Variants in NOTCH3 observed in about 807,000 individuals in gnomAD.
The protein encoded by NOTCH3 is notch receptor 3.
NOTCH3 carries 86 observed loss-of-function variants against 213.3 expected under a neutral mutation model. The observed-to-expected ratio is 0.40, with a 90% confidence interval of 0.34 to 0.48. The LOEUF is 0.48. Ranked by LOEUF, NOTCH3 falls within the 20% of genes least tolerant of loss-of-function variation. The pLI is 0.57. For missense variants in NOTCH3, 2,783 were observed against 3,272.6 expected (o/e 0.85, Z 3.65); for synonymous variants, 1,354 against 1,355.9 (o/e 1.00, Z 0.03).
intron 24 of NOTCH3, among the ~76,000 whole-genome samples, chr19:15,175,298 C>T (rs1173772046): frequency 7.3e-6 from 1 of 136,636 alleles, no homozygotes; most frequent in Admixed American, 7.0e-5. Flanking sequence ...TTTGGGAGGC[C>T]AAGGTGTACG....
In NOTCH3 at chr19:15,184,511, C is replaced by T. The variant is rs2046865748; in HGVS notation, c.2411-61G>A. The T allele has an allele frequency of 2.6e-6, 4 of 1,552,958 alleles. No individual in the cohort carries two copies. In the Admixed American group the frequency reaches 5.1e-5, roughly 20 times the overall value. On this transcript the variant is annotated intron_variant, in intron 15 of 32. Coordinates refer to ENST00000263388, the MANE Select transcript of NOTCH3 (RefSeq NM_000435.3). Reference sequence around the variant, plus strand: ...AGGGTACAGAGCAGGGTCTCAGGGACCTGGGGCTCAGGAAGAACCTGCAGG... The same window carrying T: ...AGGGTACAGAGCAGGGTCTCAGGGATCTGGGGCTCAGGAAGAACCTGCAGG...
intron 16 of NOTCH3, among the ~76,000 whole-genome samples, chr19:15,183,349 T>C (rs879336860): frequency 8.5e-5 from 13 of 152,200 alleles, no homozygotes; most frequent in African/African-American, 3.1e-4. Context: ...ATTGCATATG[T>C]GGCTTGTGTT....
chr19:15,180,573 C>A, intron 19 of NOTCH3, 108 bp downstream of exon 19: 1 of 1,313,912 alleles, frequency 7.6e-7, no homozygotes, highest in South Asian at 1.3e-5. Context: ...CACACCCCAT[C>A]ATGCCCCATA....
Position 15,190,773 on chromosome 19 carries a change from G to C in NOTCH3, c.1036+651C>G, listed in dbSNP as rs572730710. ...GCTAATTTTTTGTATTTTTGGTAGA[G>C]ATAGGGTTTTGCCATGTTGCCCAGG... On this transcript the variant is annotated intron_variant, in intron 6 of 32. Coordinates refer to ENST00000263388, the MANE Select transcript of NOTCH3 (RefSeq NM_000435.3). Among the ~76,000 whole-genome samples, 19 of 152,294 alleles carry C rather than the reference G, an allele frequency of 1.2e-4. 1 individual carries two copies. The South Asian group carries it at 3.9e-3, about 32-fold the overall frequency.
intron 10 of NOTCH3, 73 bp downstream of exon 10, chr19:15,187,806 CAA>C: frequency 8.0e-7 from 1 of 1,243,850 alleles, no homozygotes; most frequent in East Asian, 2.5e-5. Flanking sequence ...AAGCTCTCCC[CAA>C]GTCTGTTATT....
chr19:15,170,539 G>T lies in NOTCH3; in HGVS notation c.4906C>A (p.Pro1636Thr). ...LRDVRGEPLEPPEPSVPLLPL... is the reference protein window; with the variant it reads ...LRDVRGEPLETPEPSVPLLPL... ...AGCAGCGGGACGCTGGGTTCTGGAG[G>T]CTCCAGCGGCTCCCCTAAGAGCAGG... Residue 1636 changes from proline (P) to threonine (T), a missense_variant, in exon 27 of 33, where the codon CCT becomes ACT. By Grantham distance (38) the Pro-to-Thr change is conservative. Transcript: ENST00000263388. The T allele has an allele frequency of 6.2e-7, 1 of 1,608,988 alleles. No individual in the cohort carries two copies. The highest frequency in any genetic ancestry group is 8.5e-7 in the Non-Finnish European group (1 of 1,179,598).
rs2046765563 is a variant in NOTCH3 at position 15,174,056 on chromosome 19, G to A, written c.4736+12C>T. On this transcript the variant is annotated intron_variant, in intron 25 of 32. Coordinates refer to ENST00000263388, the MANE Select transcript of NOTCH3 (RefSeq NM_000435.3). ...CCCAGCCACCACGGCTTTTCCAGGT[G>A]GGGTCACTCACCCGATCACCTCGGG... 2 of 1,547,664 alleles carry A rather than the reference G, an allele frequency of 1.3e-6. No homozygotes were observed. Among genetic ancestry groups the A allele is most frequent in the Non-Finnish European group, 1.7e-6 (2 of 1,144,052 alleles).
intron 6 of NOTCH3, among the ~76,000 whole-genome samples, 156 bp downstream of exon 6, chr19:15,191,268 A>G (rs946452201): frequency 4.6e-5 from 7 of 151,290 alleles, no homozygotes; most frequent in Non-Finnish European, 2.9e-5. Context: ...TCCTGACCCC[A>G]GTGATCCGCC....
intron 2 of NOTCH3, 97 bp from the exon 3 acceptor site, chr19:15,192,616 A>G (rs2046939096): frequency 2.7e-6 from 4 of 1,486,602 alleles, no homozygotes; most frequent in Middle Eastern, 2.3e-4. Context: ...AGGGAAACAG[A>G]GCAGCAAACA....
intron 31 of NOTCH3, among the ~76,000 whole-genome samples, chr19:15,162,795 GTGCA>G (rs2046657025): frequency 3.4e-5 from 5 of 148,514 alleles, no homozygotes; most frequent in Non-Finnish European, 7.5e-5. Flanking sequence ...GTGTGTGTGC[GTGCA>G]TGTGCATGAC....
rs2145417896 is a variant in NOTCH3, at chr19:15,179,159, G to A, written c.3584C>T (p.Pro1195Leu). ...LVGGFRCTCP[P>L]GYTGLRCEAD... is the part of the protein sequence containing the mutation. ...CTCGCAGCGCAAACCAGTGTATCCTGGGGGACAGGTGCAGCGGAAACCACC... is the reference window on the plus strand; with the variant it reads ...CTCGCAGCGCAAACCAGTGTATCCTAGGGGACAGGTGCAGCGGAAACCACC... The change falls in exon 22 of 33, where the codon CCA becomes CTA. Residue 1195 changes from proline to leucine, a missense_variant. Physicochemically the swap from Pro to Leu is moderately conservative, Grantham distance 98. Transcript: ENST00000263388. The A allele has an allele frequency of 6.2e-7, 1 of 1,614,132 alleles. No homozygotes were observed. The highest frequency in any genetic ancestry group is 8.5e-7 in the Non-Finnish European group (1 of 1,180,020).
Position 15,165,656 on chromosome 19 carries a change from A to G in NOTCH3, c.5667+131T>C. 1 of 1,292,454 alleles carries G rather than the reference A, an allele frequency of 7.7e-7. No individual in the cohort carries two copies. The highest frequency in any genetic ancestry group is 1.3e-5 in the South Asian group (1 of 79,190). 80.1% of individuals were successfully genotyped at this position (1,292,454 alleles called of 1,614,324 possible). A position where few individuals can be genotyped will look rare whatever the true frequency, so the allele number is the denominator to read the frequency against. On this transcript the variant is annotated intron_variant, in intron 30 of 32. Transcript: ENST00000263388. This position sits in a 1 kb window ranked among gnomAD's most constrained non-coding sequence, Gnocchi z 4.7. ...GGTTCAGGGAGCAGCTGCTTGACAGATACTGTATTCCCATATATCCCCATT... is the reference window on the plus strand; with the variant it reads ...GGTTCAGGGAGCAGCTGCTTGACAGGTACTGTATTCCCATATATCCCCATT...
chr19:15,170,424 A>AG lies in NOTCH3; in HGVS notation c.5020dup (p.Leu1674ProfsTer5), dbSNP rs1256909888. 6.2e-7 allele frequency: 1 copy of AG among 1,613,072 alleles called. No individual in the cohort carries two copies. Among genetic ancestry groups the AG allele is most frequent in the Admixed American group, 1.7e-5 (1 of 60,036 alleles). ...CAGTGAGAAGCCCTCAGGGAACCAGAGGGTGCTGTGCTCGCGCTTGCGCCG... is the reference window on the plus strand; with the variant it reads ...CAGTGAGAAGCCCTCAGGGAACCAGAGGGGTGCTGTGCTCGCGCTTGCGCCG... On this transcript the variant is annotated frameshift_variant, in exon 27 of 33. Transcript: ENST00000263388. LOFTEE classifies it high-confidence loss of function.
Position 15,188,337 on chromosome 19 carries a change from T to C in NOTCH3, c.1390A>G (p.Thr464Ala), listed in dbSNP as rs1368874519. The C allele has an allele frequency of 6.2e-7, 1 of 1,602,416 alleles. No individual in the cohort carries two copies. Among genetic ancestry groups the C allele is most frequent in the Non-Finnish European group, 8.5e-7 (1 of 1,173,614 alleles). ...TCICMAGFTG[T>A]YCEVDIDECQ... Reference sequence around the variant, plus strand: ...TCGTCAATGTCCACCTCGCAATAGGTTCCTGTGAAGCCTGGGGCAGGGAAT... The same window carrying C: ...TCGTCAATGTCCACCTCGCAATAGGCTCCTGTGAAGCCTGGGGCAGGGAAT... Residue 464 changes from threonine to alanine, a missense_variant, in exon 9 of 33, where the codon ACC (threonine) becomes GCC (alanine). This residue lies in a region of NOTCH3 where 708 missense variants were observed against 906.6 expected (regional missense o/e 0.78). Transcript: ENST00000263388.
chr19:15,171,362 T>G (rs8110721), intron 25 of NOTCH3, among the ~76,000 whole-genome samples: 11,564 of 152,156 alleles, frequency 0.076, 1,271 homozygotes, highest in African/African-American at 0.25. Context: ...TGTTCTGTTT[T>G]GTTTTTTGAG....
chr19:15,195,114 C>G (rs1037036711), intron 2 of NOTCH3, among the ~76,000 whole-genome samples: 1 of 152,112 alleles, frequency 6.6e-6, no homozygotes, highest in African/African-American at 2.4e-5. Flanking sequence ...AGACACCAAC[C>G]CACAGCATCC....
In NOTCH3 at chr19:15,200,091, G is replaced by T. The variant is rs1241523460; in HGVS notation, c.118+697C>A. ...GGCCGGCTGGGGAGGGGCTCTGGCCGCGGGGAGGGGGCGCTGGAGCCGAAG... is the reference window on the plus strand; with the variant it reads ...GGCCGGCTGGGGAGGGGCTCTGGCCTCGGGGAGGGGGCGCTGGAGCCGAAG... On this transcript the variant is annotated intron_variant, in intron 1 of 32. Transcript: ENST00000263388. Among the ~76,000 whole-genome samples the T allele has an allele frequency of 2.0e-5, 3 of 151,010 alleles. No homozygotes were observed. The East Asian group carries it at 5.9e-4, about 30-fold the overall frequency.
At chr19:15,197,419 AG>A in intron 2 of NOTCH3, 80 bp downstream of exon 2, 1 of 1,218,284 alleles carries the variant, frequency 8.2e-7, no homozygotes, top group East Asian at 2.5e-5. Context: ...GTGAACACAG[AG>A]GCAGAGGGAG....
In NOTCH3 at chr19:15,189,267, C is replaced by G. The variant is rs573186483; in HGVS notation, c.1192+6G>C. The G allele has an allele frequency of 3.1e-6, 5 of 1,614,036 alleles. No homozygotes were observed. In the African/African-American group the frequency reaches 6.7e-5, roughly 21 times the overall value. ...GCCCATTCACAGACGATGGAGCTCC[C>G]CTCACCGATAGAGCACTCGTCCACA... On this transcript the variant is annotated splice_donor_region_variant and intron_variant, in intron 7 of 32. Coordinates refer to ENST00000263388, the MANE Select transcript of NOTCH3 (RefSeq NM_000435.3).
Sources: gnomAD v4.1 joint callset for allele counts (sites outside exome capture counted in the v4.1 genomes callset) on GRCh38, gnomAD v4.1.1 for gene constraint, gnomAD v4.1.1 regional missense constraint, Gnocchi (gnomAD v3.1) non-coding constraint, MANE v1.5 for transcripts, NCBI Gene and HGNC (gene_info 2026-07-23, HGNC 2026-07-21) for gene names.